The following PTPRD variants were observed in gnomAD, a reference collection of about 807,000 sequenced individuals.
The protein encoded by PTPRD is receptor-type tyrosine-protein phosphatase delta.
In PTPRD, 34 loss-of-function variants were observed where a neutral mutation model predicts 214.5. The observed-to-expected ratio is 0.16, with a 90% confidence interval of 0.12 to 0.21. The LOEUF (loss-of-function observed/expected upper bound fraction) is 0.21. PTPRD is among the 10% of genes least tolerant of loss of function. The probability of loss-of-function intolerance (pLI) is 1.00; values close to 1 mark genes in which losing one functional copy is unlikely to be tolerated. For missense variants in PTPRD, 2,545 were observed against 2,398.7 expected (o/e 1.06, Z -1.27); for synonymous variants, 1,128 against 845.7 (o/e 1.33, Z -5.79).
intron 2 of PTPRD, among the ~76,000 whole-genome samples, chr9:10,505,657 C>T (rs1310204872): frequency 1.3e-5 from 2 of 151,256 alleles, no homozygotes; most frequent in South Asian, 2.1e-4. Flanking sequence ...TCTTTCTCCA[C>T]ATCTTTCTTG....
intron 14 of PTPRD, among the ~76,000 whole-genome samples, chr9:8,623,940 T>G (rs1160001772): frequency 6.6e-6 from 1 of 151,936 alleles, no homozygotes; most frequent in Non-Finnish European, 1.5e-5. Flanking sequence ...TTTCCTATTA[T>G]CTCTTTCAAA....
chr9:8,899,274 G>A (rs2098645930), intron 11 of PTPRD, among the ~76,000 whole-genome samples: 1 of 152,140 alleles, frequency 6.6e-6, no homozygotes, highest in Non-Finnish European at 1.5e-5. Flanking sequence ...TACAACACCT[G>A]AAAACTAAAG....
At chr9:9,016,919 G>A (rs62531087) in intron 11 of PTPRD, among the ~76,000 whole-genome samples, 48,050 of 151,848 alleles carry the variant, frequency 0.32, 8,200 homozygotes, top group Non-Finnish European at 0.39. Context: ...GGCTCTTAAT[G>A]GTGGTGCTGG....
chr9:10,349,513 A>G (rs1013569297), intron 2 of PTPRD, among the ~76,000 whole-genome samples: 35 of 152,332 alleles, frequency 2.3e-4, no homozygotes, highest in African/African-American at 7.7e-4. Flanking sequence ...AAATGCATAT[A>G]CATAAACCTC....
chr9:8,592,156 TCAGA>T, intron 14 of PTPRD, among the ~76,000 whole-genome samples: 1 of 152,314 alleles, frequency 6.6e-6, no homozygotes, highest in Admixed American at 6.5e-5. Flanking sequence ...ATACACTTAA[TCAGA>T]CAGATTTGTC....
chr9:9,285,244 C>T (rs1272275774), intron 9 of PTPRD, among the ~76,000 whole-genome samples: 1 of 151,714 alleles, frequency 6.6e-6, no homozygotes, highest in Non-Finnish European at 1.5e-5. Context: ...TTTCTGCATT[C>T]TTAAAATAAG....
chr9:9,385,952 C>A (rs750901233), intron 9 of PTPRD, among the ~76,000 whole-genome samples: 4 of 152,176 alleles, frequency 2.6e-5, no homozygotes, highest in Middle Eastern at 3.4e-3. Context: ...CACCAGGAGC[C>A]TCCTTTGTAT....
At chr9:9,541,296 G>A (rs2077536034) in intron 8 of PTPRD, among the ~76,000 whole-genome samples, 1 of 151,694 alleles carries the variant, frequency 6.6e-6, no homozygotes, top group South Asian at 2.1e-4. Flanking sequence ...CATGATATAA[G>A]GAAATTGAGG....
chr9:10,490,026 T>C (rs768693883), intron 2 of PTPRD, among the ~76,000 whole-genome samples: 29 of 152,310 alleles, frequency 1.9e-4, no homozygotes, highest in Non-Finnish European at 3.2e-4. Context: ...TGTAGATAGT[T>C]GTTAAATTGG....
intron 2 of PTPRD, among the ~76,000 whole-genome samples, chr9:10,345,279 T>A (rs924462900): frequency 1.3e-5 from 2 of 152,222 alleles, no homozygotes; most frequent in Non-Finnish European, 2.9e-5. Flanking sequence ...TTTCTTTTTT[T>A]AAATTTTGTT....
intron 8 of PTPRD, among the ~76,000 whole-genome samples, chr9:9,450,514 A>G (rs1569568438): frequency 6.6e-6 from 1 of 151,630 alleles, no homozygotes; most frequent in East Asian, 1.9e-4. Flanking sequence ...TCCCATAGCT[A>G]TTTTTCTTAA....
At chr9:10,167,838 T>A (rs2099168958) in intron 3 of PTPRD, among the ~76,000 whole-genome samples, 1 of 152,072 alleles carries the variant, frequency 6.6e-6, no homozygotes, top group South Asian at 2.1e-4. Context: ...TGATAGAAGA[T>A]AAAGCCCAAA....
At position 8,658,995 on chromosome 9, in the gene PTPRD, C is replaced by T. The variant is rs993204481; in HGVS notation, c.65-22151G>A. On this transcript the variant is annotated intron_variant, in intron 12 of 45. Transcript: ENST00000381196. ...TAATCGTTCATGATTATATTTTTGC[C>T]GCAGGCCCTTTGCTTCCTTCATCCT... is the stretch of plus-strand genomic sequence containing the variant. Among the ~76,000 whole-genome samples, 22 of 151,988 alleles carry T rather than the reference C, an allele frequency of 1.4e-4. 1 individual carries two copies. Among genetic ancestry groups the T allele is most frequent in the Admixed American group, 9.8e-4 (15 of 15,268 alleles).
intron 11 of PTPRD, among the ~76,000 whole-genome samples, chr9:8,796,396 G>A (rs1055894863): frequency 6.6e-6 from 1 of 152,102 alleles, no homozygotes; most frequent in African/African-American, 2.4e-5. Context: ...TTCTTCAGTA[G>A]GCTGACACTG....
At position 10,065,083 on chromosome 9, in the gene PTPRD, C is replaced by T. The variant is rs370420326; in HGVS notation, c.-544-31293G>A. 2.7e-5 allele frequency among the ~76,000 whole-genome samples: 4 copies of T among 148,576 alleles called. No homozygotes were observed. In the East Asian group the frequency reaches 8.0e-4, roughly 30 times the overall value. On this transcript the variant is annotated intron_variant, in intron 3 of 45. Transcript: ENST00000381196. Reference sequence around the variant, plus strand: ...AATTTGCCTTGCCTAGATTGCTACGCTGTCTCTGGAAATTATCAAATAAAA... The same window carrying T: ...AATTTGCCTTGCCTAGATTGCTACGTTGTCTCTGGAAATTATCAAATAAAA...
chr9:8,331,438 A>T, intron 44 of PTPRD, 144 bp downstream of exon 44: 1 of 969,934 alleles, frequency 1.0e-6, no homozygotes, highest in South Asian at 1.8e-5. Flanking sequence ...TTATGAAAAG[A>T]AAGAGAAATC....
At chr9:8,507,710 A>G (rs987289480) in intron 21 of PTPRD, among the ~76,000 whole-genome samples, 1 of 152,194 alleles carries the variant, frequency 6.6e-6, no homozygotes, top group East Asian at 1.9e-4. Flanking sequence ...TTTAAGGAAA[A>G]AATTCTTTAC....
chr9:8,619,935 C>G (rs777326649), intron 14 of PTPRD, among the ~76,000 whole-genome samples: 2 of 152,006 alleles, frequency 1.3e-5, no homozygotes, highest in African/African-American at 4.8e-5. Flanking sequence ...CTGGTAATCA[C>G]CACATTTACC....
At chr9:9,414,467 G>C (rs1044702144) in intron 8 of PTPRD, among the ~76,000 whole-genome samples, 2 of 152,188 alleles carry the variant, frequency 1.3e-5, no homozygotes, top group African/African-American at 4.8e-5. Context: ...TTTAGGGAAG[G>C]ACGGCCTTAA....
Sources: gnomAD v4.1 joint callset for allele counts (sites outside exome capture counted in the v4.1 genomes callset) on GRCh38, gnomAD v4.1.1 for gene constraint, MANE v1.5 for transcripts, NCBI Gene and HGNC (gene_info 2026-07-23, HGNC 2026-07-21) for gene names.